DAB2: variants seen among roughly 807,000 people sequenced by gnomAD.
DAB2 encodes the protein disabled homolog 2.
DAB2 carries 28 observed loss-of-function variants against 71.6 expected under a neutral mutation model. That is an observed-to-expected ratio of 0.39 (90% confidence interval 0.29 to 0.54). DAB2 has a LOEUF of 0.54. Ranked by LOEUF, DAB2 falls within the 20% of genes least tolerant of loss-of-function variation. The pLI is 0.68. For synonymous variants in DAB2, 345 were observed against 339.7 expected (o/e 1.02, Z -0.17); for missense variants, 867 against 928.8 (o/e 0.93, Z 0.86).
At chr5:39,418,718 C>A (rs1173685365) in intron 1 of DAB2, among the ~76,000 whole-genome samples, 1 of 152,184 alleles carries the variant, frequency 6.6e-6, no homozygotes, top group Non-Finnish European at 1.5e-5. Context: ...AGACAGTCTT[C>A]TAATTTTCAG....
chr5:39,424,512 CACA>C (rs1756059683), intron 1 of DAB2, among the ~76,000 whole-genome samples: 1 of 134,698 alleles, frequency 7.4e-6, no homozygotes, highest in Admixed American at 7.2e-5. Context: ...CACACACACA[CACA>C]CACACACGAC....
intron 1 of DAB2, among the ~76,000 whole-genome samples, chr5:39,413,174 C>T (rs1173035845): frequency 6.6e-6 from 1 of 152,066 alleles, no homozygotes; most frequent in Non-Finnish European, 1.5e-5. Flanking sequence ...ATGACAGTTG[C>T]ACAGACTTGC....
At chr5:39,384,884 T>C (rs1178415087) in intron 9 of DAB2, among the ~76,000 whole-genome samples, 1 of 152,040 alleles carries the variant, frequency 6.6e-6, no homozygotes, top group African/African-American at 2.4e-5. Context: ...GAATACTAAA[T>C]ATTTTGATCA....
intron 4 of DAB2, among the ~76,000 whole-genome samples, chr5:39,391,981 A>AT (rs1170330591): frequency 4.6e-4 from 66 of 144,482 alleles, no homozygotes; most frequent in East Asian, 3.6e-3. Context: ...AAAAAAAAAA[A>AT]ATATATATAT....
At chr5:39,390,864 A>C (rs550778145) in intron 4 of DAB2, among the ~76,000 whole-genome samples, 20 of 152,294 alleles carry the variant, frequency 1.3e-4, no homozygotes, top group African/African-American at 4.8e-4. Context: ...AGGACTGAGG[A>C]TTAGAAGACC....
intron 11 of DAB2, 47 bp downstream of exon 11, chr5:39,381,407 G>C: frequency 6.4e-7 from 1 of 1,574,376 alleles, no homozygotes; most frequent in African/African-American, 1.4e-5. Context: ...ATCATTTTAT[G>C]AGCAAAAGCA....
At chr5:39,421,177 G>A (rs3849769) in intron 1 of DAB2, among the ~76,000 whole-genome samples, 38,578 of 152,016 alleles carry the variant, frequency 0.25, 5,021 homozygotes, top group South Asian at 0.3. Flanking sequence ...ACAAGCAAAC[G>A]CACTGGCTTT....
At chr5:39,421,114 C>A (rs1447590008) in intron 1 of DAB2, among the ~76,000 whole-genome samples, 3 of 152,144 alleles carry the variant, frequency 2.0e-5, no homozygotes, top group African/African-American at 7.2e-5. Context: ...AACCAAAGTG[C>A]AGGCTTCCAG....
intron 1 of DAB2, among the ~76,000 whole-genome samples, chr5:39,397,658 A>G (rs756950884): frequency 6.6e-6 from 1 of 152,214 alleles, no homozygotes; most frequent in African/African-American, 2.4e-5. Flanking sequence ...CTGAACTCCA[A>G]CTGACACAAT....
intron 11 of DAB2, among the ~76,000 whole-genome samples, chr5:39,377,861 T>C (rs1199820342): frequency 6.6e-6 from 1 of 152,202 alleles, no homozygotes; most frequent in African/African-American, 2.4e-5. Flanking sequence ...CAAAGTTTCT[T>C]CACTTTTTAT....
At chr5:39,380,581 T>C (rs1318465714) in intron 11 of DAB2, among the ~76,000 whole-genome samples, 4 of 152,270 alleles carry the variant, frequency 2.6e-5, no homozygotes, top group Admixed American at 2.6e-4. Flanking sequence ...AAAACTATTG[T>C]CAGGGTTTCT....
At chr5:39,409,131 TAA>T (rs893104991) in intron 1 of DAB2, among the ~76,000 whole-genome samples, 1 of 140,810 alleles carries the variant, frequency 7.1e-6, no homozygotes. Flanking sequence ...TTATGATTAT[TAA>T]AAAAAAAAAA....
intron 1 of DAB2, among the ~76,000 whole-genome samples, chr5:39,418,789 A>T (rs1370475683): frequency 1.3e-5 from 2 of 152,208 alleles, no homozygotes; most frequent in African/African-American, 4.8e-5. Flanking sequence ...TGAGAACAAG[A>T]CCATTTAAAA....
At chr5:39,395,393 TTC>T (rs1163208834) in intron 1 of DAB2, among the ~76,000 whole-genome samples, 1 of 152,208 alleles carries the variant, frequency 6.6e-6, no homozygotes, top group African/African-American at 2.4e-5. Context: ...AAAAGCCCTC[TTC>T]ATTCCGTGCC....
In DAB2 at chr5:39,377,036, C is replaced by A; in HGVS notation, c.1751G>T (p.Trp584Leu). 1 of 1,614,048 alleles carries A rather than the reference C, an allele frequency of 6.2e-7. No homozygotes were observed. The highest frequency in any genetic ancestry group is 8.5e-7 in the Non-Finnish European group (1 of 1,179,988). ...ATTCCCCAAAGGGCTTGTTGTTGAC[C>A]AAGCATTGGGTGCCACAGATGCAGA... ...GPSASVAPNA[W>L]STTSPLGNPF... Residue 584 changes from tryptophan to leucine, a missense_variant, in exon 12 of 15, where the codon TGG becomes TTG. By Grantham distance (61) the Trp-to-Leu change is moderately conservative. Coordinates refer to ENST00000320816, the MANE Select transcript of DAB2 (RefSeq NM_001343.4).
intron 6 of DAB2, 63 bp downstream of exon 6, chr5:39,389,789 G>T: frequency 1.1e-6 from 1 of 926,082 alleles, no homozygotes; most frequent in Non-Finnish European, 1.7e-6. Flanking sequence ...TGGGATTATA[G>T]GTGTGAGCCA....
intron 5 of DAB2, 69 bp from the exon 6 acceptor site, chr5:39,390,001 A>G: frequency 9.0e-7 from 1 of 1,116,068 alleles, no homozygotes; most frequent in Non-Finnish European, 1.3e-6. Flanking sequence ...TCTGCTATCA[A>G]TTATAATTCA....
chr5:39,412,955 T>C (rs1755765915), intron 1 of DAB2, among the ~76,000 whole-genome samples: 1 of 152,200 alleles, frequency 6.6e-6, no homozygotes. Flanking sequence ...TATTCATGTC[T>C]GCTTGGCTAT....
At chr5:39,400,245 T>C (rs557959117) in intron 1 of DAB2, among the ~76,000 whole-genome samples, 1 of 152,194 alleles carries the variant, frequency 6.6e-6, no homozygotes, top group East Asian at 1.9e-4. Context: ...TTTTTTTTTT[T>C]TCTTGAGATA....
Sources: allele counts gnomAD v4.1 joint callset (sites outside exome capture counted in the v4.1 genomes callset), GRCh38; gene constraint gnomAD v4.1.1; transcripts MANE v1.5; gene names NCBI Gene and HGNC (gene_info 2026-07-23, HGNC 2026-07-21).